Variants in PLXNA4 observed in about 807,000 individuals in gnomAD.
The protein encoded by PLXNA4 is plexin-A4.
PLXNA4 carries 44 observed loss-of-function variants against 191.8 expected under a neutral mutation model. The ratio of observed to expected loss-of-function variants is 0.23; its 90% confidence interval spans 0.18 to 0.29. The LOEUF (loss-of-function observed/expected upper bound fraction) is 0.29, where lower values mean the gene tolerates loss of function less well. Among genes scored for constraint, PLXNA4 ranks in the 10% least tolerant of loss-of-function variants. PLXNA4 has a pLI of 1.00. For synonymous variants in PLXNA4, 1,082 were observed against 1,009.5 expected (o/e 1.07, Z -1.36); for missense variants, 1,800 against 2,488.8 (o/e 0.72, Z 5.89).
At chr7:132,347,656 G>T (rs896384327) in intron 3 of PLXNA4, among the ~76,000 whole-genome samples, 1 of 152,286 alleles carries the variant, frequency 6.6e-6, no homozygotes, top group Middle Eastern at 3.4e-3. Context: ...CACAGAGGGG[G>T]ACAAGCAGTT....
chr7:132,300,189 C>A (rs983262593), intron 3 of PLXNA4, among the ~76,000 whole-genome samples: 4 of 152,106 alleles, frequency 2.6e-5, no homozygotes, highest in Non-Finnish European at 4.4e-5. Flanking sequence ...AACAAGTGGC[C>A]TGTGGGATAA....
At position 132,569,720 on chromosome 7, in the gene PLXNA4, A is replaced by G. The variant is rs550912003; in HGVS notation, c.-87+6702T>C. On this transcript the variant is annotated intron_variant, in intron 1 of 31. Coordinates refer to ENST00000321063, the MANE Select transcript of PLXNA4 (RefSeq NM_020911.2). ...TTAAGCAAGGGGACATATTGGAATC[A>G]TCTAGGAACCTAAGAAAATGGACAC... Among the ~76,000 whole-genome samples, 6 of 152,350 alleles carry G rather than the reference A, an allele frequency of 3.9e-5. No homozygotes were observed. The East Asian group carries it at 1.2e-3, about 29-fold the overall frequency.
chr7:132,253,024 C>T (rs1210018659), intron 4 of PLXNA4, among the ~76,000 whole-genome samples: 2 of 152,092 alleles, frequency 1.3e-5, no homozygotes, highest in Non-Finnish European at 2.9e-5. Context: ...ATGCAAACCT[C>T]GTGCAAAGAA....
At chr7:132,580,622 C>T (rs111982723), upstream of PLXNA4, among the ~76,000 whole-genome samples, 4,767 of 152,280 alleles carry the variant, frequency 0.031, 226 homozygotes, top group African/African-American at 0.099. Flanking sequence ...TCATCTCCCA[C>T]AGCTGAATAA....
Position 132,145,231 on chromosome 7 carries a change from G to A in PLXNA4, c.5113C>T (p.Arg1705Cys), listed in dbSNP as rs1260214831. The A allele has an allele frequency of 1.9e-6, 3 of 1,614,086 alleles. No individual in the cohort carries two copies. Among genetic ancestry groups the A allele is most frequent in the Admixed American group, 1.7e-5 (1 of 60,012 alleles). Residue 1705 changes from arginine (R) to cysteine (C), a missense_variant, in exon 29 of 32, where the codon CGT (arginine) becomes TGT (cysteine). Transcript: ENST00000321063. ...LFETIFSTAH[R>C]GSALPLAIKY... is the part of the protein sequence containing the mutation. ...ATGGCCAGGGGCAGGGCAGAGCCAC[G>A]GTGTGCCGTGCTGAAGATGGTCTCA...
intron 2 of PLXNA4, among the ~76,000 whole-genome samples, chr7:132,596,509 T>C (rs942896625): frequency 6.6e-6 from 1 of 152,240 alleles, no homozygotes; most frequent in Non-Finnish European, 1.5e-5. Context: ...GAAACACACA[T>C]ACAATGCCAC....
intron 2 of PLXNA4, among the ~76,000 whole-genome samples, chr7:132,634,081 A>G (rs1404231841): frequency 1.3e-5 from 2 of 152,080 alleles, no homozygotes; most frequent in East Asian, 3.9e-4. Context: ...GTTCCAAGCT[A>G]AGAAATCCAG....
intron 11 of PLXNA4, 63 bp downstream of exon 11, chr7:132,203,260 C>G: frequency 6.8e-7 from 1 of 1,465,666 alleles, no homozygotes; most frequent in Non-Finnish European, 9.5e-7. Context: ...TGCAGGACGG[C>G]TCCTTCCCTC....
At chr7:132,333,539 C>A (rs1299002815) in intron 3 of PLXNA4, among the ~76,000 whole-genome samples, 1 of 152,210 alleles carries the variant, frequency 6.6e-6, no homozygotes, top group Non-Finnish European at 1.5e-5. Context: ...GACAGCCCCA[C>A]TGGGAGCTGC....
chr7:132,450,069 G>A (rs865863466), intron 3 of PLXNA4, among the ~76,000 whole-genome samples: 1 of 152,188 alleles, frequency 6.6e-6, no homozygotes, highest in African/African-American at 2.4e-5. Flanking sequence ...TGTCCTCCAG[G>A]AAGGAAGATG....
chr7:132,193,068 G>A (rs1050947048), intron 14 of PLXNA4, among the ~76,000 whole-genome samples: 1 of 152,146 alleles, frequency 6.6e-6, no homozygotes. Flanking sequence ...TATGGTTTGA[G>A]TGCATCTTCC....
At chr7:132,488,831 C>CA in intron 3 of PLXNA4, among the ~76,000 whole-genome samples, 1 of 152,338 alleles carries the variant, frequency 6.6e-6, no homozygotes, top group East Asian at 1.9e-4. Context: ...GCCCCATTTG[C>CA]AACTTTAATA....
At chr7:132,169,889 C>T (rs533115856) in intron 21 of PLXNA4, among the ~76,000 whole-genome samples, 1 of 152,172 alleles carries the variant, frequency 6.6e-6, no homozygotes, top group Admixed American at 6.5e-5. Flanking sequence ...ATAGGATCTG[C>T]CCCCAAGGGG....
intron 15 of PLXNA4, 29 bp downstream of exon 15, chr7:132,187,442 G>A (rs1252492122): frequency 6.2e-7 from 1 of 1,604,058 alleles, no homozygotes; most frequent in Non-Finnish European, 8.5e-7. Flanking sequence ...TCCCTCTCTG[G>A]TGCTGCAGAA....
intron 1 of PLXNA4, among the ~76,000 whole-genome samples, chr7:132,516,515 A>C (rs906702820): frequency 2.0e-5 from 3 of 152,200 alleles, no homozygotes; most frequent in Admixed American, 6.5e-5. Flanking sequence ...TGGAAAACAG[A>C]CAACAACAGA....
intron 3 of PLXNA4, among the ~76,000 whole-genome samples, chr7:132,422,543 T>G (rs1242793391): frequency 6.6e-6 from 1 of 152,232 alleles, no homozygotes; most frequent in East Asian, 1.9e-4. Context: ...CCATCGTAAT[T>G]GTCCAGCAGT....
Position 132,146,697 on chromosome 7 carries a change from T to A in PLXNA4, c.4868A>T (p.Asn1623Ile). Residue 1623 changes from asparagine to isoleucine, a missense_variant, in exon 28 of 32, where the codon AAC (asparagine) becomes ATC (isoleucine). Around this residue, in one of 6 missense-constraint regions of PLXNA4, gnomAD observed 214 missense variants for 298.2 expected, o/e 0.72. Coordinates refer to ENST00000321063, the MANE Select transcript of PLXNA4 (RefSeq NM_020911.2). ...VSRTSASKYE[N>I]MIRYTGSPDS... ...GGGGCTGCCCGTGTACCGGATCATG[T>A]TTTCTGCCAAGGCAAGGATCACCCC... 2 of 1,613,840 alleles carry A rather than the reference T, an allele frequency of 1.2e-6. No individual in the cohort carries two copies. The highest frequency in any genetic ancestry group is 1.7e-6 in the Non-Finnish European group (2 of 1,179,844).
chr7:132,622,898 G>C (rs978731292), intron 2 of PLXNA4, among the ~76,000 whole-genome samples: 1 of 152,202 alleles, frequency 6.6e-6, no homozygotes, highest in African/African-American at 2.4e-5. Context: ...GAAATTGCCC[G>C]AGGTAGAGTC....
chr7:132,491,368 C>T (rs1255649016), intron 2 of PLXNA4, among the ~76,000 whole-genome samples: 2 of 152,224 alleles, frequency 1.3e-5, no homozygotes, highest in East Asian at 3.9e-4. Flanking sequence ...CCCCAGCAGG[C>T]TCCTCCACTC....
Sources: allele counts gnomAD v4.1 joint callset (sites outside exome capture counted in the v4.1 genomes callset), GRCh38; gene constraint gnomAD v4.1.1; regional missense constraint gnomAD v4.1.1; transcripts MANE v1.5; gene names NCBI Gene and HGNC (gene_info 2026-07-23, HGNC 2026-07-21).